FOXP1: variants seen among roughly 807,000 people sequenced by gnomAD.
The protein encoded by FOXP1 is forkhead box protein P1.
FOXP1 carries 15 observed loss-of-function variants against 98.2 expected under a neutral mutation model. The ratio of observed to expected loss-of-function variants is 0.15; its 90% confidence interval spans 0.10 to 0.24. The LOEUF (loss-of-function observed/expected upper bound fraction) is 0.24, where lower values mean the gene tolerates loss of function less well. FOXP1 is among the 10% of genes least tolerant of loss of function. FOXP1 has a pLI of 1.00. For missense variants in FOXP1, 633 were observed against 848.5 expected, an observed-to-expected ratio of 0.75 and a Z score of 3.15; for synonymous variants, 371 against 314.5, an observed-to-expected ratio of 1.18 and a Z score of -1.90.
chr3:71,476,342 A>G lies in FOXP1; in HGVS notation c.-168+17084T>C, dbSNP rs141406855. Among the ~76,000 whole-genome samples, 501 of 152,106 alleles carry G rather than the reference A, an allele frequency of 3.3e-3. 3 individuals are homozygous for G. The highest frequency in any genetic ancestry group is 0.011 in the African/African-American group (474 of 41,472). ...TTGTTTTTGAGCAATGGTTAAACCA[A>G]ACTAGTCTGAGCCATAATTTGGTTA... On this transcript the variant is annotated intron_variant, in intron 3 of 20. Coordinates refer to ENST00000649528, the MANE Select transcript of FOXP1 (RefSeq NM_001349338.3).
chr3:71,040,643 T>C (rs1433740920), intron 11 of FOXP1, among the ~76,000 whole-genome samples: 1 of 152,142 alleles, frequency 6.6e-6, no homozygotes, highest in African/African-American at 2.4e-5. Context: ...CCCAGGGCAA[T>C]TCAAAAATAA....
At chr3:71,304,575 GAATAC>G (rs1293503888) in intron 4 of FOXP1, 2 of 152,150 alleles carry the variant, frequency 1.3e-5, no homozygotes, top group Non-Finnish European at 2.9e-5. Flanking sequence ...CAAAATTTAA[GAATAC>G]AATAGCACTA....
chr3:71,433,431 G>T (rs893939359), intron 3 of FOXP1, among the ~76,000 whole-genome samples: 1 of 152,258 alleles, frequency 6.6e-6, no homozygotes, highest in South Asian at 2.1e-4. Context: ...ATTGATCAGG[G>T]AAACAACTTT....
At chr3:71,380,557 G>C (rs984794237) in intron 3 of FOXP1, among the ~76,000 whole-genome samples, 1 of 152,136 alleles carries the variant, frequency 6.6e-6, no homozygotes, top group Non-Finnish European at 1.5e-5. Flanking sequence ...AAAATGCATT[G>C]AGCACGAAAC....
intron 2 of FOXP1, among the ~76,000 whole-genome samples, chr3:71,548,845 T>C (rs2045562268): frequency 6.6e-6 from 1 of 151,988 alleles, no homozygotes; most frequent in Non-Finnish European, 1.5e-5. Context: ...TTCATCAGCA[T>C]GTGCTATGTA....
chr3:71,097,941 A>AT (rs1575669144), intron 7 of FOXP1, among the ~76,000 whole-genome samples: 1 of 152,090 alleles, frequency 6.6e-6, no homozygotes, highest in Non-Finnish European at 1.5e-5. Context: ...ATTTGAAGCT[A>AT]TTTTTTCCAG....
In FOXP1 at chr3:71,416,588, A is replaced by ACACACGCACACG. The variant is rs1553877007; in HGVS notation, c.-167-57345_-167-57344insCGTGTGCGTGTG. Reference sequence around the variant, plus strand: ...CACACACACACACACACACACACACACACACGCAAAAAAAAATGACGTATG... The same window carrying ACACACGCACACG: ...CACACACACACACACACACACACACACACACGCACACGCACACGCAAAAAAAAATGACGTATG... On this transcript the variant is annotated intron_variant, in intron 3 of 20. Coordinates refer to ENST00000649528, the MANE Select transcript of FOXP1 (RefSeq NM_001349338.3). Among the ~76,000 whole-genome samples the ACACACGCACACG allele has an allele frequency of 1.8e-4, 27 of 147,728 alleles. 1 individual carries two copies. The highest frequency in any genetic ancestry group is 6.8e-4 in the African/African-American group (27 of 39,640).
At chr3:71,578,637 T>C (rs2047910277) in intron 2 of FOXP1, among the ~76,000 whole-genome samples, 1 of 152,202 alleles carries the variant, frequency 6.6e-6, no homozygotes, top group African/African-American at 2.4e-5. Flanking sequence ...AGTTGTCACA[T>C]CTGCTATATT....
At chr3:71,400,931 G>A (rs2081920169) in intron 3 of FOXP1, among the ~76,000 whole-genome samples, 1 of 152,014 alleles carries the variant, frequency 6.6e-6, no homozygotes, top group African/African-American at 2.4e-5. Flanking sequence ...TAAGGAGGAG[G>A]GAAGTCTACG....
chr3:71,284,781 T>C (rs2071933786), intron 5 of FOXP1, among the ~76,000 whole-genome samples: 1 of 151,864 alleles, frequency 6.6e-6, no homozygotes, highest in Non-Finnish European at 1.5e-5. Flanking sequence ...AAAAAATGGA[T>C]ACACAAATAC....
chr3:70,996,576 G>A (rs1360843676), intron 13 of FOXP1, among the ~76,000 whole-genome samples: 2 of 152,166 alleles, frequency 1.3e-5, no homozygotes, highest in Non-Finnish European at 2.9e-5. Context: ...AGAGACACAA[G>A]GGCCTTCCAT....
intron 6 of FOXP1, among the ~76,000 whole-genome samples, chr3:71,128,445 A>G (rs530640360): frequency 1.3e-5 from 2 of 152,266 alleles, no homozygotes; most frequent in East Asian, 3.9e-4. Flanking sequence ...TAAAGACTAG[A>G]AGGTATTTCT....
chr3:71,047,174 A>T, intron 9 of FOXP1, 79 bp from the exon 10 acceptor site: 3 of 1,514,844 alleles, frequency 2.0e-6, no homozygotes, highest in Non-Finnish European at 2.7e-6. Context: ...AAAACTCACC[A>T]TCATCATCAA....
intron 6 of FOXP1, among the ~76,000 whole-genome samples, chr3:71,145,614 T>C (rs2060272885): frequency 6.6e-6 from 1 of 152,200 alleles, no homozygotes; most frequent in South Asian, 2.1e-4. Flanking sequence ...CACTTTATAT[T>C]CCCACCGGCA....
chr3:70,977,237 G>C (rs1415288596), intron 16 of FOXP1, among the ~76,000 whole-genome samples, 195 bp from the exon 17 acceptor site: 1 of 151,976 alleles, frequency 6.6e-6, no homozygotes, highest in African/African-American at 2.4e-5. Flanking sequence ...TAATTGTTTT[G>C]AGTTTTTATT....
rs140245049 is a variant in FOXP1, at chr3:71,294,968, T to A, written c.-12+4852A>T. ...GACGGAAAGATCTGCCCAGACAAGC[T>A]ACATTGGTCTGGTTGTTTCACGAGA... On this transcript the variant is annotated intron_variant, in intron 5 of 20. Transcript: ENST00000649528. Among the ~76,000 whole-genome samples the A allele has an allele frequency of 1.7e-3, 262 of 152,354 alleles. 1 individual carries two copies. Among genetic ancestry groups the A allele is most frequent in the African/African-American group, 6.1e-3 (255 of 41,590 alleles).
chr3:71,513,828 T>G (rs2042372245), intron 2 of FOXP1, among the ~76,000 whole-genome samples: 1 of 152,184 alleles, frequency 6.6e-6, no homozygotes, highest in African/African-American at 2.4e-5. Flanking sequence ...GTTTACCTAA[T>G]AGCTGCTGAA....
chr3:70,958,863 G>A lies in FOXP1; in HGVS notation c.*384C>T. 1 of 396,088 alleles carries A rather than the reference G, an allele frequency of 2.5e-6. No individual in the cohort carries two copies. The highest frequency in any genetic ancestry group is 4.7e-6 in the Non-Finnish European group (1 of 213,288). 24.5% of individuals were successfully genotyped at this position (396,088 alleles called of 1,614,324 possible). A position where few individuals can be genotyped will look rare whatever the true frequency, so the allele number is the denominator to read the frequency against. ...GGGCAAAGGCTTGGTCTGCAGCTTAGGTGCACAAGCTCTGTCGGGCGTCCT... is the reference window on the plus strand; with the variant it reads ...GGGCAAAGGCTTGGTCTGCAGCTTAAGTGCACAAGCTCTGTCGGGCGTCCT... On this transcript the variant is annotated 3_prime_UTR_variant, in exon 21 of 21. Coordinates refer to ENST00000649528, the MANE Select transcript of FOXP1 (RefSeq NM_001349338.3).
chr3:71,082,147 C>T (rs1027151894), intron 7 of FOXP1, among the ~76,000 whole-genome samples: 16 of 152,136 alleles, frequency 1.1e-4, no homozygotes, highest in Middle Eastern at 6.8e-3. Context: ...GGCGTGGTGG[C>T]GCACGCCTGT....
Sources: allele counts gnomAD v4.1 joint callset (sites outside exome capture counted in the v4.1 genomes callset), GRCh38; gene constraint gnomAD v4.1.1; transcripts MANE v1.5; gene names NCBI Gene and HGNC (gene_info 2026-07-23, HGNC 2026-07-21).